The following MEGF11 variants were observed in gnomAD, a reference collection of about 807,000 sequenced individuals.
The protein encoded by MEGF11 is multiple epidermal growth factor-like domains protein 11.
In MEGF11, 126 loss-of-function variants were observed where a neutral mutation model predicts 146.6. The ratio of observed to expected loss-of-function variants is 0.86; its 90% CI spans 0.74 to 1.00. The LOEUF is 1.00. Ranked by LOEUF, MEGF11 falls within the 50% of genes least tolerant of loss-of-function variation. The probability of loss-of-function intolerance (pLI) is 0.00; values close to 1 mark genes in which losing one functional copy is unlikely to be tolerated. For missense variants in MEGF11, 1,509 were observed against 1,521.2 expected (o/e 0.99, Z 0.13); for synonymous variants, 532 against 583.4 (o/e 0.91, Z 1.27).
intron 1 of MEGF11, among the ~76,000 whole-genome samples, chr15:66,212,088 G>T (rs1002372164): frequency 1.1e-4 from 1 of 9,370 alleles, no homozygotes; most frequent in Non-Finnish European, 2.3e-4. Context: ...CTCTCCTCCC[G>T]CCCGCCAGTC....
At position 65,922,900 on chromosome 15, in the gene MEGF11, T is replaced by C. The variant is rs1361049111; in HGVS notation, c.1745A>G (p.Glu582Gly). 6.2e-7 allele frequency: 1 copy of C among 1,612,912 alleles called. No homozygotes were observed. Among genetic ancestry groups the C allele is most frequent in the Non-Finnish European group, 8.5e-7 (1 of 1,179,694 alleles). The change falls in exon 14 of 26, where the codon GAG (glutamate) becomes GGG (glycine). Residue 582 changes from glutamate to glycine, a missense_variant. By Grantham distance (98) the Glu-to-Gly change is moderately conservative (BLOSUM62 -2). Transcript: ENST00000395614. ...GPNCSVSCSC[E>G]NGGSCSPEDG... ...CTCTGGGGAGCAGGAGCCTCCATTC[T>C]CACAGCTGCAGGAGACAGAGCAGTT...
intron 9 of MEGF11, among the ~76,000 whole-genome samples, chr15:65,958,646 T>C (rs1044797983): frequency 5.3e-5 from 8 of 152,224 alleles, no homozygotes; most frequent in Non-Finnish European, 1.0e-4. Context: ...GGCTTTAAGA[T>C]ACCCCATCCT....
At chr15:66,160,648 C>T (rs1458686255) in intron 1 of MEGF11, among the ~76,000 whole-genome samples, 1 of 145,344 alleles carries the variant, frequency 6.9e-6, no homozygotes, top group African/African-American at 2.6e-5. Flanking sequence ...CCAGGCACTG[C>T]TCTAGGCCCT....
chr15:66,003,080 G>C (rs996781136), intron 5 of MEGF11, among the ~76,000 whole-genome samples: 16 of 151,162 alleles, frequency 1.1e-4, no homozygotes, highest in Non-Finnish European at 1.8e-4. Context: ...TGCAATCTCT[G>C]CCTCCTGGGT....
chr15:65,899,865 C>G (rs149037627), intron 24 of MEGF11, among the ~76,000 whole-genome samples: 1 of 152,102 alleles, frequency 6.6e-6, no homozygotes, highest in Non-Finnish European at 1.5e-5. Flanking sequence ...GTACCATCCC[C>G]GAGACTTCAG....
chr15:65,965,338 C>T (rs982154855), intron 8 of MEGF11: 3 of 480,552 alleles, frequency 6.2e-6, no homozygotes, highest in Admixed American at 3.9e-5. Context: ...TCGGCTCAGT[C>T]CCCCCAGCAA....
At chr15:66,120,731 C>T (rs931791101) in intron 3 of MEGF11, among the ~76,000 whole-genome samples, 9 of 152,198 alleles carry the variant, frequency 5.9e-5, no homozygotes, top group African/African-American at 2.2e-4. Flanking sequence ...GCACAGAAGG[C>T]AGCTCCCGAC....
chr15:65,980,400 T>TC (rs1352651359), intron 7 of MEGF11, among the ~76,000 whole-genome samples: 4 of 131,534 alleles, frequency 3.0e-5, no homozygotes, highest in African/African-American at 1.1e-4. Flanking sequence ...TTCAGCTTTT[T>TC]TTTTTTTTTT....
At chr15:66,021,161 C>T (rs745781451) in intron 5 of MEGF11, among the ~76,000 whole-genome samples, 2 of 152,086 alleles carry the variant, frequency 1.3e-5, no homozygotes, top group African/African-American at 2.4e-5. Flanking sequence ...GCAGGGACAA[C>T]GCTTGGGGAG....
chr15:65,957,676 A>G lies in MEGF11; in HGVS notation c.1158T>C (p.Ser386=). Residue 386 remains serine, a synonymous_variant, in exon 10 of 26, where the codon TCT becomes TCC. Transcript: ENST00000395614. ...GGCAGGATTCATTGCAGTGGTGACCAGACCAGCCTGGCTGGCAGGTACAAG... is the reference window on the plus strand; with the variant it reads ...GGCAGGATTCATTGCAGTGGTGACCGGACCAGCCTGGCTGGCAGGTACAAG... The part of the protein sequence containing the change: ...TGACTCQPGW[S]GHHCNESCPV... The G allele has an allele frequency of 6.2e-7, 1 of 1,613,938 alleles. No homozygotes were observed.
chr15:66,183,898 G>A (rs2090623100), intron 1 of MEGF11, among the ~76,000 whole-genome samples: 1 of 152,174 alleles, frequency 6.6e-6, no homozygotes, highest in Admixed American at 6.5e-5. Context: ...GAGCAGCAAA[G>A]TCCAAATAAG....
chr15:66,004,678 C>G (rs1347095079), intron 5 of MEGF11, among the ~76,000 whole-genome samples: 1 of 152,102 alleles, frequency 6.6e-6, no homozygotes, highest in South Asian at 2.1e-4. Context: ...GTGGTAAGAG[C>G]CCCACTGCAA....
chr15:66,128,214 G>A (rs1044582848), intron 2 of MEGF11, 92 bp downstream of exon 2: 19 of 782,180 alleles, frequency 2.4e-5, no homozygotes, highest in Admixed American at 1.1e-4. Flanking sequence ...TTAGAGGGCA[G>A]CTCCTGGATC....
intron 22 of MEGF11, among the ~76,000 whole-genome samples, chr15:65,909,364 C>G (rs776928640): frequency 6.6e-6 from 1 of 151,768 alleles, no homozygotes; most frequent in Non-Finnish European, 1.5e-5. Flanking sequence ...CTCCCTCCCT[C>G]TGCAGGAATT....
chr15:66,224,624 T>A (rs958542807), intron 1 of MEGF11, among the ~76,000 whole-genome samples: 64 of 122,358 alleles, frequency 5.2e-4, no homozygotes, highest in African/African-American at 1.8e-3. Flanking sequence ...TAATATATAT[T>A]ATATATTATT....
intron 1 of MEGF11, among the ~76,000 whole-genome samples, chr15:66,161,547 G>A (rs768002497): frequency 8.5e-5 from 13 of 152,078 alleles, no homozygotes; most frequent in Non-Finnish European, 1.6e-4. Context: ...CACCATGCCT[G>A]GCTAAATTTT....
chr15:66,012,789 C>T (rs930064091), intron 5 of MEGF11, among the ~76,000 whole-genome samples: 1 of 152,228 alleles, frequency 6.6e-6, no homozygotes, highest in African/African-American at 2.4e-5. Context: ...GCCATCAAGG[C>T]CACCAGGCAG....
chr15:66,127,901 C>T (rs1213244379), intron 2 of MEGF11, among the ~76,000 whole-genome samples: 1 of 152,336 alleles, frequency 6.6e-6, no homozygotes, highest in East Asian at 1.9e-4. Flanking sequence ...TGCCACGGGG[C>T]TGCCAGTCCT....
intron 1 of MEGF11, among the ~76,000 whole-genome samples, chr15:66,174,711 G>A (rs1567272623): frequency 6.6e-6 from 1 of 151,954 alleles, no homozygotes; most frequent in Non-Finnish European, 1.5e-5. Flanking sequence ...GCTGTTGGAA[G>A]AAGCTGCTCT....
Sources: gnomAD v4.1 joint callset for allele counts (sites outside exome capture counted in the v4.1 genomes callset) on GRCh38, gnomAD v4.1.1 for gene constraint, MANE v1.5 for transcripts, NCBI Gene and HGNC (gene_info 2026-07-23, HGNC 2026-07-21) for gene names.